HIRA: variants seen among roughly 807,000 people sequenced by gnomAD.
HIRA encodes the protein protein HIRA.
HIRA carries 13 observed loss-of-function variants against 126.6 expected under a neutral mutation model. That is an observed-to-expected ratio of 0.10 (90% confidence interval 0.07 to 0.16). HIRA has a LOEUF of 0.16. Among genes scored for constraint, HIRA ranks in the 10% least tolerant of loss-of-function variants. The pLI, the probability that HIRA is intolerant of heterozygous loss-of-function variation, is 1.00. For synonymous variants in HIRA, 511 were observed against 520.0 expected (o/e 0.98, Z 0.24); for missense variants, 834 against 1,314.4 (o/e 0.63, Z 5.65).
At chr22:19,385,814 C>T (rs2089121591) in intron 11 of HIRA, 78 bp from the exon 12 acceptor site, 5 of 1,357,268 alleles carry the variant, frequency 3.7e-6, no homozygotes. Flanking sequence ...AGGCAAACTA[C>T]AGCAGGGCTC....
intron 11 of HIRA, among the ~76,000 whole-genome samples, chr22:19,386,770 G>C (rs5748171): frequency 0.04 from 6,091 of 152,282 alleles, 268 homozygotes; most frequent in East Asian, 0.13. Context: ...GTGATCCCAG[G>C]TACCTGATGA....
intron 8 of HIRA, among the ~76,000 whole-genome samples, chr22:19,393,085 C>CT (rs2089195587): frequency 6.6e-6 from 1 of 152,106 alleles, no homozygotes; most frequent in Admixed American, 6.5e-5. Flanking sequence ...CTTGCTGTCT[C>CT]TAACACCAAT....
At chr22:19,372,699 G>A (rs927787068) in intron 15 of HIRA, among the ~76,000 whole-genome samples, 6 of 151,778 alleles carry the variant, frequency 4.0e-5, no homozygotes, top group Admixed American at 6.6e-5. Flanking sequence ...AGCCTACTGA[G>A]TAGCTGGGAT....
At chr22:19,389,635 C>A (rs12167797) in intron 9 of HIRA, among the ~76,000 whole-genome samples, 12,624 of 152,078 alleles carry the variant, frequency 0.083, 1,757 homozygotes, top group African/African-American at 0.29. Flanking sequence ...GCTGCCTTGT[C>A]CCTCCTCTCA....
At chr22:19,392,798 T>C (rs921714932) in intron 8 of HIRA, among the ~76,000 whole-genome samples, 1 of 152,154 alleles carries the variant, frequency 6.6e-6, no homozygotes, top group African/African-American at 2.4e-5. Flanking sequence ...CAAAGGTGCT[T>C]GGTTGGCTGC....
At chr22:19,350,319 G>GC (rs1328500127) in intron 24 of HIRA, among the ~76,000 whole-genome samples, 1 of 152,104 alleles carries the variant, frequency 6.6e-6, no homozygotes, top group East Asian at 1.9e-4. Flanking sequence ...AACATGCCTG[G>GC]CCAGGGGAGG....
At chr22:19,385,430 A>C in intron 12 of HIRA, 91 bp downstream of exon 12, 1 of 1,295,646 alleles carries the variant, frequency 7.7e-7, no homozygotes, top group Non-Finnish European at 1.1e-6. Flanking sequence ...CACTCTAAAC[A>C]AACCCCTTCC....
intron 22 of HIRA, 95 bp from the exon 23 acceptor site, chr22:19,353,614 G>A (rs1569292742): frequency 1.5e-6 from 2 of 1,318,938 alleles, no homozygotes; most frequent in Non-Finnish European, 2.0e-6. Flanking sequence ...GCTGGCAGGA[G>A]GCAGGCACCA....
chr22:19,416,773 A>C (rs975255358), intron 1 of HIRA, among the ~76,000 whole-genome samples: 2 of 152,258 alleles, frequency 1.3e-5, no homozygotes, highest in African/African-American at 4.8e-5. Context: ...GGCAACCCAT[A>C]GAATGGGAGA....
At chr22:19,410,135 T>C (rs2089340724) in intron 2 of HIRA, among the ~76,000 whole-genome samples, 1 of 152,248 alleles carries the variant, frequency 6.6e-6, no homozygotes, top group Non-Finnish European at 1.5e-5. Flanking sequence ...TATTGTGGCA[T>C]GAAGAACAGC....
chr22:19,331,577 C>A, intron 24 of HIRA, 21 bp from the exon 25 acceptor site: 1 of 1,571,670 alleles, frequency 6.4e-7, no homozygotes, highest in South Asian at 1.2e-5. Context: ...AGAGTGACAG[C>A]TGAGTGCAAG....
intron 15 of HIRA, among the ~76,000 whole-genome samples, chr22:19,369,482 T>A (rs2088945011): frequency 6.7e-6 from 1 of 150,298 alleles, no homozygotes; most frequent in South Asian, 2.1e-4. Context: ...TCCTGGGAGG[T>A]CCATTCTGCC....
Position 19,394,394 on chromosome 22 carries a change from C to T in HIRA, c.770G>A (p.Gly257Glu), listed in dbSNP as rs1314580523. 1.9e-6 allele frequency: 3 copies of T among 1,614,152 alleles called. No individual in the cohort carries two copies. Among genetic ancestry groups the T allele is most frequent in the East Asian group, 2.2e-5 (1 of 44,876 alleles). ...AACAAAGTCCATGTTGGTCTTCCATCCCTCCCGTTCGATGATCTGGGCAGT... is the reference window on the plus strand; with the variant it reads ...AACAAAGTCCATGTTGGTCTTCCATTCCTCCCGTTCGATGATCTGGGCAGT... ...GPTAQIIERE[G>E]WKTNMDFVGH... The change falls in exon 8 of 25, where the codon GGA (glycine) becomes GAA (glutamate). Residue 257 changes from glycine (G) to glutamate (E), a missense_variant. Physicochemically the swap from Gly to Glu is moderately conservative, Grantham distance 98 (BLOSUM62 -2). This residue lies in a region of HIRA where 53 missense variants were observed against 163.7 expected (regional missense o/e 0.32). Coordinates refer to ENST00000263208, the MANE Select transcript of HIRA (RefSeq NM_003325.4).
intron 8 of HIRA, among the ~76,000 whole-genome samples, chr22:19,393,451 G>A (rs896086424): frequency 2.0e-5 from 3 of 152,024 alleles, no homozygotes; most frequent in South Asian, 2.1e-4. Context: ...TCCGCCTCCC[G>A]GGTTCAAGTG....
At chr22:19,375,539 A>G in intron 15 of HIRA, 92 bp downstream of exon 15, 1 of 1,370,606 alleles carries the variant, frequency 7.3e-7, no homozygotes, top group Admixed American at 1.9e-5. Flanking sequence ...CCCAACAGGA[A>G]GGCAGGTTGC....
In HIRA at chr22:19,419,855, G is replaced by C. The variant is rs113060318; in HGVS notation, c.38-9077C>G. 4.3e-3 allele frequency among the ~76,000 whole-genome samples: 651 copies of C among 152,328 alleles called. 4 individuals carry two copies. Among genetic ancestry groups the C allele is most frequent in the African/African-American group, 0.015 (613 of 41,576 alleles). ...GGGACTCAGATTTCGCCAACTGCCTGCAGGTGGGAAGCACACCCTTGGCTG... is the reference window on the plus strand; with the variant it reads ...GGGACTCAGATTTCGCCAACTGCCTCCAGGTGGGAAGCACACCCTTGGCTG... On this transcript the variant is annotated intron_variant, in intron 1 of 24. Coordinates refer to ENST00000263208, the MANE Select transcript of HIRA (RefSeq NM_003325.4).
chr22:19,404,461 T>C (rs535393612), intron 5 of HIRA, among the ~76,000 whole-genome samples: 15 of 152,280 alleles, frequency 9.9e-5, no homozygotes, highest in African/African-American at 3.6e-4. Context: ...GTGACACAAG[T>C]AAGGGCCAAT....
chr22:19,361,788 TTCTCTACTG>T lies in HIRA; in HGVS notation c.1910_1918del (p.Thr637_Glu639del), dbSNP rs757269271. The T allele has an allele frequency of 1.4e-5, 22 of 1,613,926 alleles. 1 individual carries two copies. The highest frequency in any genetic ancestry group is 3.4e-4 in the Middle Eastern group (2 of 5,826). Reference sequence around the variant, plus strand: ...CTTCCGAGGCCGCCCTTTCTTCTTCTTCTCTACTGTCTCTACCTCAAGCTCAAGTTTTCG... The same window carrying T: ...CTTCCGAGGCCGCCCTTTCTTCTTCTTCTCTACCTCAAGCTCAAGTTTTCG... On this transcript the variant is annotated inframe_deletion, in exon 16 of 25. Transcript: ENST00000263208.
intron 15 of HIRA, among the ~76,000 whole-genome samples, chr22:19,363,447 C>CA (rs1446504049): frequency 3.3e-5 from 5 of 150,894 alleles, no homozygotes; most frequent in Admixed American, 3.3e-4. Flanking sequence ...TCTCTAAGAA[C>CA]AAAAAATAAG....
Sources: allele counts gnomAD v4.1 joint callset (sites outside exome capture counted in the v4.1 genomes callset), GRCh38; gene constraint gnomAD v4.1.1; regional missense constraint gnomAD v4.1.1; transcripts MANE v1.5; gene names NCBI Gene and HGNC (gene_info 2026-07-23, HGNC 2026-07-21).